The following HIVEP1 variants were observed in gnomAD, a reference collection of about 807,000 sequenced individuals.
HIVEP1 encodes the protein HIVEP zinc finger 1, also known as zinc finger protein 40.
In HIVEP1, 36 loss-of-function variants were observed where a neutral mutation model predicts 180.0. That is an observed-to-expected ratio of 0.20 (90% CI 0.15 to 0.26). HIVEP1 has a LOEUF of 0.26. HIVEP1 is among the 10% of genes least tolerant of loss of function. The pLI is 1.00. For missense variants in HIVEP1, 3,143 were observed against 3,268.7 expected (o/e 0.96, Z 0.94); for synonymous variants, 1,239 against 1,239.0 (o/e 1.00, Z 0.00).
At chr6:12,089,991 A>G (rs1041416817) in intron 3 of HIVEP1, among the ~76,000 whole-genome samples, 1 of 152,076 alleles carries the variant, frequency 6.6e-6, no homozygotes, top group African/African-American at 2.4e-5. Context: ...ATGCCTTTGT[A>G]TTATTTCACC....
chr6:12,040,898 A>T (rs780563950), intron 2 of HIVEP1, among the ~76,000 whole-genome samples: 7 of 152,066 alleles, frequency 4.6e-5, no homozygotes, highest in Non-Finnish European at 5.9e-5. Flanking sequence ...GACGTGCCAC[A>T]CACTTTTAAA....
chr6:12,125,337 G>T lies in HIVEP1; in HGVS notation c.5542G>T (p.Val1848Phe). ...NSSTGCSKFV[V>F]IEPISELQEF... ...ATCAACAGGATGCTCTAAATTTGTC[G>T]TTATAGAACCTATAAGTGAATTGCA... is the stretch of plus-strand genomic sequence containing the variant. The change falls in exon 4 of 9, where the codon GTT becomes TTT. Residue 1848 changes from valine (V) to phenylalanine (F), a missense_variant. Physicochemically the swap from Val to Phe is conservative, Grantham distance 50. Coordinates refer to ENST00000379388, the MANE Select transcript of HIVEP1 (RefSeq NM_002114.4). 1.2e-6 allele frequency: 2 copies of T among 1,614,030 alleles called. No homozygotes were observed. Among genetic ancestry groups the T allele is most frequent in the Non-Finnish European group, 1.7e-6 (2 of 1,179,998 alleles).
chr6:12,088,964 AT>A (rs2113327684), intron 2 of HIVEP1, among the ~76,000 whole-genome samples: 1 of 152,306 alleles, frequency 6.6e-6, no homozygotes, highest in Admixed American at 6.5e-5. Flanking sequence ...TTATGGAAAC[AT>A]TTATTAATTG....
chr6:12,149,423 A>T (rs1464420774), intron 7 of HIVEP1, among the ~76,000 whole-genome samples: 1 of 152,202 alleles, frequency 6.6e-6, no homozygotes, highest in East Asian at 1.9e-4. Context: ...TTTCTGTAGC[A>T]TAAACATAAT....
chr6:12,151,196 A>G (rs1208291150), intron 7 of HIVEP1, among the ~76,000 whole-genome samples: 1 of 152,264 alleles, frequency 6.6e-6, no homozygotes, highest in East Asian at 1.9e-4. Flanking sequence ...TGAAATTCAC[A>G]GAAAATAAAG....
intron 2 of HIVEP1, among the ~76,000 whole-genome samples, chr6:12,070,966 A>C (rs1192853872): frequency 6.6e-6 from 1 of 152,192 alleles, no homozygotes; most frequent in Non-Finnish European, 1.5e-5. Flanking sequence ...ATGATAAAAC[A>C]CAAACCAGGA....
At chr6:12,126,038 T>G (rs1758049934) in intron 4 of HIVEP1, among the ~76,000 whole-genome samples, 168 bp downstream of exon 4, 1 of 152,234 alleles carries the variant, frequency 6.6e-6, no homozygotes, top group African/African-American at 2.4e-5. Context: ...AGGAGTTACA[T>G]TGATAAGAGT....
At chr6:12,112,109 C>T (rs931127833) in intron 3 of HIVEP1, among the ~76,000 whole-genome samples, 7 of 152,096 alleles carry the variant, frequency 4.6e-5, no homozygotes, top group Non-Finnish European at 1.0e-4. Context: ...ATTCTCTCAG[C>T]TTTTGTTTTT....
intron 2 of HIVEP1, among the ~76,000 whole-genome samples, chr6:12,031,317 C>CTAGT (rs1768925681): frequency 6.6e-6 from 1 of 152,144 alleles, no homozygotes; most frequent in African/African-American, 2.4e-5. Context: ...GGAGACTGCC[C>CTAGT]TAGTGTTGGT....
chr6:12,013,156 T>C (rs947823748), intron 1 of HIVEP1, among the ~76,000 whole-genome samples: 1 of 152,146 alleles, frequency 6.6e-6, no homozygotes. Flanking sequence ...GTCCTCCTCC[T>C]CCTCAGCTCT....
In HIVEP1 at chr6:12,117,363, G is replaced by A. The variant is rs566482522; in HGVS notation, c.95-2527G>A. Among the ~76,000 whole-genome samples, 32 of 152,256 alleles carry A rather than the reference G, an allele frequency of 2.1e-4. 2 individuals are homozygous for A. Among genetic ancestry groups the A allele is most frequent in the African/African-American group, 7.2e-4 (30 of 41,550 alleles). ...GGTCATCTATATGTAAAATCAAAAC[G>A]TGTAGTTCAAAAGTTCCATTTAACA... On this transcript the variant is annotated intron_variant, in intron 3 of 8. Transcript: ENST00000379388.
Position 12,063,763 on chromosome 6 carries a change from A to C in HIVEP1, c.41-25421A>C, listed in dbSNP as rs1771387217. Among the ~76,000 whole-genome samples the C allele has an allele frequency of 6.6e-6, 1 of 152,170 alleles. No homozygotes were observed. ...AGAGGTGGTCACTGGGCAGTCTGCA[A>C]GACTGACTCTCCAACCAAGTGAAAC... On this transcript the variant is annotated intron_variant, in intron 2 of 8. Coordinates refer to ENST00000379388, the MANE Select transcript of HIVEP1 (RefSeq NM_002114.4). This position sits in a 1 kb window ranked among gnomAD's most constrained non-coding sequence, Gnocchi z 4.2.
At chr6:12,136,926 C>T (rs1758738132) in intron 7 of HIVEP1, among the ~76,000 whole-genome samples, 1 of 152,054 alleles carries the variant, frequency 6.6e-6, no homozygotes. Flanking sequence ...TTAAAATGCC[C>T]TGAATTAAAC....
intron 2 of HIVEP1, among the ~76,000 whole-genome samples, chr6:12,019,016 C>G (rs1292942795): frequency 6.6e-6 from 1 of 152,178 alleles, no homozygotes; most frequent in African/African-American, 2.4e-5. Flanking sequence ...TTGTGTCTGA[C>G]TTGTCTGTGA....
At position 12,109,660 on chromosome 6, in the gene HIVEP1, C is replaced by T. The variant is rs542415190; in HGVS notation, c.95-10230C>T. The stretch of plus-strand genomic sequence containing the variant: ...TCTGCTTCTCTTGCTGTTTCCACCA[C>T]ATCTGCGGGGACTTCCTCCACTGAA... On this transcript the variant is annotated intron_variant, in intron 3 of 8. Transcript: ENST00000379388. Among the ~76,000 whole-genome samples the T allele has an allele frequency of 2.6e-5, 4 of 152,342 alleles. No homozygotes were observed. The South Asian group carries it at 8.3e-4, about 32-fold the overall frequency.
intron 2 of HIVEP1, among the ~76,000 whole-genome samples, chr6:12,078,022 G>A (rs1235809916): frequency 6.6e-6 from 1 of 152,150 alleles, no homozygotes; most frequent in Non-Finnish European, 1.5e-5. Flanking sequence ...TTCTGGAAAG[G>A]ATTACAAAAG....
In HIVEP1 at chr6:12,015,628, G is replaced by A; in HGVS notation, c.-1G>A. ...AAAAAGAAGGCCCTGAGTCAAAGAA[G>A]ATGCCTCGAACTAAACAAATTCATC... On this transcript the variant is annotated 5_prime_UTR_variant, in exon 2 of 9. Coordinates refer to ENST00000379388, the MANE Select transcript of HIVEP1 (RefSeq NM_002114.4). 1 of 1,613,426 alleles carries A rather than the reference G, an allele frequency of 6.2e-7. No homozygotes were observed. Among genetic ancestry groups the A allele is most frequent in the African/African-American group, 1.3e-5 (1 of 75,016 alleles).
chr6:12,031,730 G>A (rs913625983), intron 2 of HIVEP1, among the ~76,000 whole-genome samples: 8 of 152,296 alleles, frequency 5.3e-5, no homozygotes, highest in Admixed American at 4.6e-4. Flanking sequence ...GCCCCTCCAC[G>A]TGTATACGGC....
At position 12,164,271 on chromosome 6, in the gene HIVEP1, A is replaced by C. The variant is rs997156977; in HGVS notation, c.7967A>C (p.Gln2656Pro). 6.2e-7 allele frequency: 1 copy of C among 1,613,996 alleles called. No homozygotes were observed. Among genetic ancestry groups the C allele is most frequent in the African/African-American group, 1.3e-5 (1 of 74,918 alleles). ...PKPELTSIQGQPASTSQPLLK... is the reference protein window; with the variant it reads ...PKPELTSIQGPPASTSQPLLK... ...CCTGAACTCACTTCCATACAGGGCC[A>C]ACCAGCGTCCACGTCACAACCTCTG... Residue 2656 changes from glutamine to proline, a missense_variant, in exon 9 of 9, where the codon CAA becomes CCA. Around this residue, in one of 12 missense-constraint regions of HIVEP1, gnomAD observed 595 missense variants for 602.2 expected, o/e 0.99. Coordinates refer to ENST00000379388, the MANE Select transcript of HIVEP1 (RefSeq NM_002114.4).
Sources: allele counts gnomAD v4.1 joint callset (sites outside exome capture counted in the v4.1 genomes callset), GRCh38; gene constraint gnomAD v4.1.1; regional missense constraint gnomAD v4.1.1; non-coding constraint Gnocchi (gnomAD v3.1); transcripts MANE v1.5; gene names NCBI Gene and HGNC (gene_info 2026-07-23, HGNC 2026-07-21).